Variants in STAU2 observed in about 807,000 individuals in gnomAD.
STAU2 encodes double-stranded RNA-binding protein Staufen homolog 2.
STAU2 carries 20 observed loss-of-function variants against 65.9 expected under a neutral mutation model. The ratio of observed to expected loss-of-function variants is 0.30; its 90% CI spans 0.21 to 0.44. The LOEUF (loss-of-function observed/expected upper bound fraction) is 0.44. STAU2 is among the 20% of genes least tolerant of loss of function. STAU2 has a pLI of 1.00. For synonymous variants in STAU2, 232 were observed against 233.9 expected (o/e 0.99, Z 0.07); for missense variants, 558 against 683.9 (o/e 0.82, Z 2.05).
At chr8:73,455,617 G>A (rs191844435) in intron 13 of STAU2, among the ~76,000 whole-genome samples, 70 of 152,172 alleles carry the variant, frequency 4.6e-4, no homozygotes, top group Middle Eastern at 3.4e-3. Context: ...CCTCTGCTGA[G>A]GTTATTCCCT....
At position 73,690,792 on chromosome 8, in the gene STAU2, T is replaced by C. The variant is rs1269616360; in HGVS notation, c.115-1979A>G. ...AAAATAGAGAATTGGGATTTGTCATTTGAAATTCACAACATAAACATACCT... is the reference window on the plus strand; with the variant it reads ...AAAATAGAGAATTGGGATTTGTCATCTGAAATTCACAACATAAACATACCT... On this transcript the variant is annotated intron_variant, in intron 4 of 14. Transcript: ENST00000524300. Among the ~76,000 whole-genome samples, 5 of 152,314 alleles carry C rather than the reference T, an allele frequency of 3.3e-5. No individual in the cohort carries two copies. In the East Asian group the frequency reaches 9.6e-4, roughly 29 times the overall value.
At chr8:73,525,345 A>G (rs1000453309) in intron 13 of STAU2, among the ~76,000 whole-genome samples, 3 of 152,212 alleles carry the variant, frequency 2.0e-5, no homozygotes, top group Admixed American at 1.3e-4. Context: ...GCACACCTCA[A>G]TGGGGTGCAT....
chr8:73,571,607 A>T (rs1168641390), intron 12 of STAU2, among the ~76,000 whole-genome samples: 2 of 152,112 alleles, frequency 1.3e-5, no homozygotes, highest in Non-Finnish European at 2.9e-5. Context: ...TCAAAACCAC[A>T]CAACTACATG....
chr8:73,727,509 T>G (rs929675850), intron 3 of STAU2, among the ~76,000 whole-genome samples: 1 of 152,260 alleles, frequency 6.6e-6, no homozygotes, highest in Non-Finnish European at 1.5e-5. Flanking sequence ...TCACTTAATA[T>G]GTTTTCTAGG....
upstream of STAU2, chr8:73,747,454 C>G (rs1485333544): frequency 3.3e-6 from 5 of 1,534,684 alleles, no homozygotes; most frequent in South Asian, 4.8e-5. Context: ...GCGTCTGCTC[C>G]GGCCGCCGCT....
intron 13 of STAU2, among the ~76,000 whole-genome samples, chr8:73,506,485 T>G (rs1388117852): frequency 2.0e-5 from 3 of 152,184 alleles, no homozygotes; most frequent in Non-Finnish European, 4.4e-5. Flanking sequence ...AAGTGTGCAA[T>G]AGCATTATGT....
At chr8:73,710,140 C>G (rs1820793140) in intron 3 of STAU2, among the ~76,000 whole-genome samples, 1 of 152,090 alleles carries the variant, frequency 6.6e-6, no homozygotes, top group Non-Finnish European at 1.5e-5. Context: ...CGTTTCTCCT[C>G]AAGCTCAAAA....
chr8:73,715,922 C>CT (rs945006935), intron 3 of STAU2, among the ~76,000 whole-genome samples: 284 of 148,716 alleles, frequency 1.9e-3, no homozygotes, highest in South Asian at 2.6e-3. Context: ...TATTTATCTT[C>CT]TTTTTTTTTT....
intron 13 of STAU2, among the ~76,000 whole-genome samples, chr8:73,495,662 A>AATAT (rs3032943): frequency 0.015 from 2,029 of 132,454 alleles, 78 homozygotes; most frequent in African/African-American, 0.044. Flanking sequence ...CATAAAGCCA[A>AATAT]ATATATATAT....
chr8:73,531,033 T>G (rs1304086099), intron 13 of STAU2, among the ~76,000 whole-genome samples: 1 of 152,136 alleles, frequency 6.6e-6, no homozygotes. Flanking sequence ...TCTACCCTAG[T>G]CACCCTCTAA....
At chr8:73,450,440 C>T (rs1471874081) in intron 13 of STAU2, among the ~76,000 whole-genome samples, 5 of 152,078 alleles carry the variant, frequency 3.3e-5, no homozygotes, top group South Asian at 2.1e-4. Context: ...ACCAAAGCCA[C>T]GGATGAGATG....
chr8:73,541,814 G>T (rs138616977), intron 13 of STAU2, among the ~76,000 whole-genome samples: 1 of 151,932 alleles, frequency 6.6e-6, no homozygotes. Context: ...TTATTATAGG[G>T]GCTCAAGAGC....
At chr8:73,501,788 T>A (rs1210500339) in intron 13 of STAU2, among the ~76,000 whole-genome samples, 1 of 152,070 alleles carries the variant, frequency 6.6e-6, no homozygotes, top group Non-Finnish European at 1.5e-5. Flanking sequence ...TTGGCCAAGA[T>A]ATTTGTCAAT....
At chr8:73,493,959 T>C (rs948276081) in intron 13 of STAU2, among the ~76,000 whole-genome samples, 4 of 151,840 alleles carry the variant, frequency 2.6e-5, no homozygotes, top group South Asian at 4.1e-4. Context: ...AGCGCTTTAC[T>C]GAGTAAAAGG....
chr8:73,654,735 G>A (rs1430755783), intron 6 of STAU2, among the ~76,000 whole-genome samples: 1 of 121,196 alleles, frequency 8.3e-6, no homozygotes, highest in Non-Finnish European at 1.6e-5. Flanking sequence ...CGCCCAGGCT[G>A]GAGTGCAGTG....
intron 13 of STAU2, among the ~76,000 whole-genome samples, chr8:73,501,356 CAG>C (rs934077706): frequency 3.3e-5 from 5 of 151,826 alleles, no homozygotes; most frequent in African/African-American, 1.2e-4. Flanking sequence ...ACAAAGAAAA[CAG>C]ATATTAATAG....
intron 13 of STAU2, among the ~76,000 whole-genome samples, chr8:73,479,712 C>CGT (rs5892422): frequency 0.051 from 7,273 of 143,786 alleles, 242 homozygotes; most frequent in African/African-American, 0.099. Flanking sequence ...CTTAAATATA[C>CGT]GTGTGTGTGT....
At chr8:73,738,397 C>T in intron 2 of STAU2, 48 bp from the exon 3 acceptor site, 1 of 1,346,764 alleles carries the variant, frequency 7.4e-7, no homozygotes, top group Non-Finnish European at 1.0e-6. Flanking sequence ...CTGATAACCT[C>T]AATGACTGGT....
At chr8:73,653,060 A>G (rs1816028896) in intron 6 of STAU2, 1 of 152,206 alleles carries the variant, frequency 6.6e-6, no homozygotes, top group Non-Finnish European at 1.5e-5. Context: ...TCAAGATAAT[A>G]GCAATTGAAA....
Sources: gnomAD v4.1 joint callset for allele counts (sites outside exome capture counted in the v4.1 genomes callset) on GRCh38, gnomAD v4.1.1 for gene constraint, MANE v1.5 for transcripts, NCBI Gene and HGNC (gene_info 2026-07-23, HGNC 2026-07-21) for gene names.